The following TYW1B variants were observed in gnomAD, a reference collection of about 807,000 sequenced individuals.
The protein encoded by TYW1B is tRNA-yW synthesizing protein 1 homolog B, also known as S-adenosyl-L-methionine-dependent tRNA 4-demethylwyosine synthase TYW1B.
TYW1B carries 73 observed loss-of-function variants against 86.9 expected under a neutral mutation model. The observed-to-expected ratio is 0.84, with a 90% confidence interval of 0.70 to 1.02. The LOEUF is 1.02. TYW1B is among the 50% of genes least tolerant of loss of function. TYW1B has a pLI of 0.00. For synonymous variants in TYW1B, 248 were observed against 292.8 expected (o/e 0.85, Z 1.56); for missense variants, 637 against 827.4 (o/e 0.77, Z 2.82).
chr7:72,692,458 G>A (rs184337089), intron 11 of TYW1B, among the ~76,000 whole-genome samples: 315 of 152,164 alleles, frequency 2.1e-3, no homozygotes, highest in Non-Finnish European at 2.9e-3. Flanking sequence ...AGGCTCCAGT[G>A]AGCTATGATG....
At chr7:72,715,982 T>G (rs188641678) in intron 9 of TYW1B, among the ~76,000 whole-genome samples, 6 of 152,136 alleles carry the variant, frequency 3.9e-5, no homozygotes, top group African/African-American at 1.2e-4. Flanking sequence ...CCAGGCTGGA[T>G]TGCAGTGGCA....
At chr7:72,796,329 C>T (rs534904161) in intron 6 of TYW1B, among the ~76,000 whole-genome samples, 2 of 89,730 alleles carry the variant, frequency 2.2e-5, no homozygotes, top group South Asian at 4.9e-4. Context: ...CTGCAAGCTC[C>T]GCCTCCCGGG....
In TYW1B at chr7:72,713,633, G is replaced by A. The variant is rs782407348; in HGVS notation, c.1358C>T (p.Pro453Leu). 5 of 1,613,718 alleles carry A rather than the reference G, an allele frequency of 3.1e-6. No homozygotes were observed. In the South Asian group the frequency reaches 3.3e-5, roughly 11 times the overall value. ...CTGGAGAACTCACCTGATTTCCGCA[G>A]GAAATTGTGCATTTGTGACCAGGAA... is the stretch of plus-strand genomic sequence containing the variant. ...SSFLVTNAQF[P>L]AEIRNLEPVT... Residue 453 changes from proline to leucine, a missense_variant, in exon 10 of 14, where the codon CCT becomes CTT. Physicochemically the swap from Pro to Leu is moderately conservative, Grantham distance 98. Coordinates refer to ENST00000620995, the MANE Select transcript of TYW1B (RefSeq NM_001145440.3).
At chr7:72,774,549 C>T (rs10949818) in intron 7 of TYW1B, among the ~76,000 whole-genome samples, 97,037 of 150,778 alleles carry the variant, frequency 0.64, 31,273 homozygotes, top group South Asian at 0.68. Flanking sequence ...GGTAAAACCC[C>T]GTCTCTACTA....
Position 72,777,559 on chromosome 7 carries a change from C to A in TYW1B, c.847-26G>T, listed in dbSNP as rs782027822. 5.0e-6 allele frequency: 8 copies of A among 1,612,850 alleles called. No individual in the cohort carries two copies. The South Asian group carries it at 8.8e-5, about 18-fold the overall frequency. ...CTGCATTAAAATAAAAGAATGAAAT[C>A]CAGAATTGGCAATGTGCAATGTAAA... On this transcript the variant is annotated intron_variant, in intron 6 of 13. Coordinates refer to ENST00000620995, the MANE Select transcript of TYW1B (RefSeq NM_001145440.3).
intron 6 of TYW1B, among the ~76,000 whole-genome samples, chr7:72,785,753 C>G (rs1192756326): frequency 1.3e-5 from 2 of 152,130 alleles, no homozygotes; most frequent in Admixed American, 1.3e-4. Context: ...AAGGCAATTT[C>G]ATGTGGTGTG....
chr7:72,739,077 T>C (rs1754036567), intron 8 of TYW1B, among the ~76,000 whole-genome samples: 3 of 152,176 alleles, frequency 2.0e-5, no homozygotes, highest in South Asian at 4.2e-4. Flanking sequence ...CAGGGCTTAA[T>C]ATGGGATGAT....
intron 12 of TYW1B, among the ~76,000 whole-genome samples, chr7:72,624,392 T>C (rs1366045065): frequency 6.6e-6 from 1 of 152,232 alleles, no homozygotes; most frequent in African/African-American, 2.4e-5. Context: ...CATACTTTTC[T>C]TACATAAATA....
rs143849640 is a variant in TYW1B at position 72,700,627 on chromosome 7, C to A, written c.1371-5805G>T. On this transcript the variant is annotated intron_variant, in intron 10 of 13. Transcript: ENST00000620995. Reference sequence around the variant, plus strand: ...CTTGGTCAGTATTTGTTCAAATATTCTTTCTTCTCATTTCTCTCTCTCCTG... The same window carrying A: ...CTTGGTCAGTATTTGTTCAAATATTATTTCTTCTCATTTCTCTCTCTCCTG... Among the ~76,000 whole-genome samples, 916 of 152,206 alleles carry A rather than the reference C, an allele frequency of 6.0e-3. 12 individuals carry two copies. The highest frequency in any genetic ancestry group is 0.021 in the African/African-American group (870 of 41,540).
At chr7:72,700,227 T>C (rs1814432929) in intron 10 of TYW1B, among the ~76,000 whole-genome samples, 1 of 119,578 alleles carries the variant, frequency 8.4e-6, no homozygotes, top group Non-Finnish European at 1.6e-5. Flanking sequence ...CAGGCTGGAG[T>C]GCAATGGCAC....
At chr7:72,617,181 G>T (rs1228398076) in intron 12 of TYW1B, among the ~76,000 whole-genome samples, 2 of 152,102 alleles carry the variant, frequency 1.3e-5, no homozygotes, top group Non-Finnish European at 2.9e-5. Flanking sequence ...TATAATTGAG[G>T]AATTATGAAG....
chr7:72,811,135 G>A lies in TYW1B; in HGVS notation c.238-470C>T, dbSNP rs186687974. Among the ~76,000 whole-genome samples, 514 of 151,876 alleles carry A rather than the reference G, an allele frequency of 3.4e-3. 3 individuals carry two copies. Among genetic ancestry groups the A allele is most frequent in the African/African-American group, 0.012 (485 of 41,460 alleles). ...AAATACAAAAAATTAGACAGGCGTG[G>A]TGGTGGGCGCCTGTAGTCCCAGCTA... On this transcript the variant is annotated intron_variant, in intron 3 of 13. Transcript: ENST00000620995.
At chr7:72,593,370 A>G (rs1375964299) in intron 13 of TYW1B, among the ~76,000 whole-genome samples, 1 of 152,082 alleles carries the variant, frequency 6.6e-6, no homozygotes, top group Non-Finnish European at 1.5e-5. Flanking sequence ...AGGCACACAG[A>G]ACACTGTACC....
intron 7 of TYW1B, among the ~76,000 whole-genome samples, chr7:72,758,690 T>C (rs1279437171): frequency 3.3e-5 from 5 of 152,172 alleles, no homozygotes; most frequent in African/African-American, 1.2e-4. Context: ...TTATTTGGAA[T>C]GTGGTTTGGA....
chr7:72,806,783 T>C (rs1788503024), intron 5 of TYW1B, among the ~76,000 whole-genome samples: 1 of 151,920 alleles, frequency 6.6e-6, no homozygotes, highest in Non-Finnish European at 1.5e-5. Flanking sequence ...CCTACGTAGC[T>C]GAGACAACAG....
chr7:72,713,136 T>TAAA (rs11335165), intron 10 of TYW1B, among the ~76,000 whole-genome samples: 1 of 141,494 alleles, frequency 7.1e-6, no homozygotes, highest in Non-Finnish European at 1.5e-5. Flanking sequence ...CCATCTCTAT[T>TAAA]AAAAAAAAAA....
At chr7:72,708,008 G>T (rs34516888) in intron 10 of TYW1B, among the ~76,000 whole-genome samples, 1 of 152,162 alleles carries the variant, frequency 6.6e-6, no homozygotes, top group African/African-American at 2.4e-5. Flanking sequence ...CGCCATGATT[G>T]TAAGTTTCCT....
chr7:72,750,352 G>A (rs551713036), intron 7 of TYW1B, among the ~76,000 whole-genome samples: 3 of 152,166 alleles, frequency 2.0e-5, no homozygotes, highest in Admixed American at 1.3e-4. Context: ...AAAGTTCGTC[G>A]TTCTTTTCTT....
chr7:72,705,489 C>A (rs1554453492), intron 10 of TYW1B, among the ~76,000 whole-genome samples: 1 of 152,154 alleles, frequency 6.6e-6, no homozygotes, highest in Non-Finnish European at 1.5e-5. Context: ...TAGTTAAATG[C>A]TGAACACAGC....
Sources: allele counts gnomAD v4.1 joint callset (sites outside exome capture counted in the v4.1 genomes callset), GRCh38; gene constraint gnomAD v4.1.1; transcripts MANE v1.5; gene names NCBI Gene and HGNC (gene_info 2026-07-23, HGNC 2026-07-21).